Variants in MIS18A observed in about 807,000 individuals in gnomAD.
MIS18A encodes the protein protein Mis18-alpha.
MIS18A carries 14 observed loss-of-function variants against 25.0 expected under a neutral mutation model. The ratio of observed to expected loss-of-function variants is 0.56; its 90% confidence interval spans 0.37 to 0.88. MIS18A has a LOEUF of 0.88. MIS18A is among the 40% of genes least tolerant of loss of function. MIS18A has a pLI of 0.00. For synonymous variants in MIS18A, 134 were observed against 118.6 expected, an observed-to-expected ratio of 1.13 and a Z score of -0.84; for missense variants, 292 against 290.8, an observed-to-expected ratio of 1.00 and a Z score of -0.03.
At chr21:32,261,766 C>T in the MIS18A span, among the ~76,000 whole-genome samples, 2 of 152,284 alleles carry the variant, frequency 1.3e-5, no homozygotes, top group East Asian at 3.9e-4. Flanking sequence ...ACGACACAGC[C>T]AAGAAGACAC....
the MIS18A span, among the ~76,000 whole-genome samples, chr21:32,186,465 G>A: frequency 6.6e-6 from 1 of 152,218 alleles, no homozygotes; most frequent in Non-Finnish European, 1.5e-5. Context: ...GGAAACACTT[G>A]TTAGCTCAAC....
At chr21:32,260,137 G>A in the MIS18A span, 2 of 137,560 alleles carry the variant, frequency 1.5e-5, no homozygotes, top group Non-Finnish European at 3.0e-5. Context: ...TACAAAGTAT[G>A]AATTGCCTCC....
the MIS18A span, among the ~76,000 whole-genome samples, chr21:32,205,531 C>T: frequency 6.6e-6 from 1 of 152,072 alleles, no homozygotes; most frequent in Non-Finnish European, 1.5e-5. Flanking sequence ...ACAGCCTCAC[C>T]ATTTGAATAA....
chr21:32,213,944 T>C, the MIS18A span, among the ~76,000 whole-genome samples: 7 of 152,308 alleles, frequency 4.6e-5, no homozygotes, highest in South Asian at 1.2e-3. Flanking sequence ...AATGAACAGA[T>C]TCTGGGAATT....
the MIS18A span, among the ~76,000 whole-genome samples, chr21:32,250,604 C>T: frequency 4.6e-5 from 7 of 152,212 alleles, no homozygotes; most frequent in African/African-American, 1.7e-4. Flanking sequence ...AACTCTCAGA[C>T]CTTCCAGAAG....
the MIS18A span, among the ~76,000 whole-genome samples, chr21:32,262,989 C>T: frequency 1.3e-5 from 2 of 152,112 alleles, no homozygotes; most frequent in African/African-American, 2.4e-5. Flanking sequence ...CTCGTGCCCT[C>T]GTGATTAGCT....
chr21:32,274,059 C>T (rs1030416520), intron 2 of MIS18A, among the ~76,000 whole-genome samples: 1 of 152,066 alleles, frequency 6.6e-6, no homozygotes, highest in African/African-American at 2.4e-5. Context: ...CACAAACAGC[C>T]TTGTCTGTTT....
the MIS18A span, among the ~76,000 whole-genome samples, chr21:32,240,588 C>A: frequency 3.3e-5 from 5 of 152,224 alleles, no homozygotes; most frequent in Admixed American, 3.3e-4. Context: ...GACTTGGTTT[C>A]TTCTCCATCT....
the MIS18A span, among the ~76,000 whole-genome samples, chr21:32,193,487 GATAGATAGA>G: frequency 9.5e-6 from 1 of 104,796 alleles, no homozygotes. Flanking sequence ...TAGGTAGATA[GATAGATAGA>G]TAGATAGATA....
chr21:32,211,762 G>C, the MIS18A span, among the ~76,000 whole-genome samples: 2 of 152,320 alleles, frequency 1.3e-5, no homozygotes, highest in Admixed American at 1.3e-4. Flanking sequence ...AATCATGCAA[G>C]CTGCAATAGC....
chr21:32,257,076 A>C, the MIS18A span, among the ~76,000 whole-genome samples: 3 of 152,146 alleles, frequency 2.0e-5, no homozygotes, highest in African/African-American at 7.2e-5. Flanking sequence ...GGCTGGCATC[A>C]CGGGACTTGG....
At chr21:32,180,552 C>A in the MIS18A span, among the ~76,000 whole-genome samples, 8 of 152,322 alleles carry the variant, frequency 5.3e-5, no homozygotes, top group African/African-American at 1.9e-4. Context: ...CGTTCTTGTG[C>A]ACATGTGTCA....
chr21:32,158,537 C>G, the MIS18A span, among the ~76,000 whole-genome samples: 1 of 151,442 alleles, frequency 6.6e-6, no homozygotes, highest in Non-Finnish European at 1.5e-5. Flanking sequence ...TTCAATGACA[C>G]AGTCTCGGCT....
chr21:32,187,763 G>A, the MIS18A span, among the ~76,000 whole-genome samples: 1 of 152,172 alleles, frequency 6.6e-6, no homozygotes, highest in African/African-American at 2.4e-5. Flanking sequence ...GAGGATTTCA[G>A]GAAGTTGCCC....
the MIS18A span, among the ~76,000 whole-genome samples, chr21:32,241,907 T>TC: frequency 1 from 152,220 of 152,224 alleles, 76,108 homozygotes; most frequent in Middle Eastern, 1. Context: ...TGAGACGGAG[T>TC]TCGCTCTGTC....
chr21:32,242,033 C>T, the MIS18A span, among the ~76,000 whole-genome samples: 1 of 152,216 alleles, frequency 6.6e-6, no homozygotes, highest in Non-Finnish European at 1.5e-5. Flanking sequence ...CGCCCGCCAC[C>T]ACGCCCGGCT....
downstream of MIS18A, among the ~76,000 whole-genome samples, chr21:32,264,066 AT>A (rs1404610291): frequency 1.3e-5 from 2 of 152,128 alleles, no homozygotes; most frequent in Non-Finnish European, 2.9e-5. Flanking sequence ...ATACTGTATA[AT>A]CACATTTAAA....
chr21:32,249,640 TA>T, the MIS18A span, among the ~76,000 whole-genome samples: 1 of 152,072 alleles, frequency 6.6e-6, no homozygotes, highest in Non-Finnish European at 1.5e-5. Context: ...GAGTAACACA[TA>T]AAGAAAAGAG....
the MIS18A span, among the ~76,000 whole-genome samples, chr21:32,201,685 C>A: frequency 1.3e-5 from 2 of 152,042 alleles, no homozygotes; most frequent in African/African-American, 4.8e-5. Flanking sequence ...CCCTGGCATG[C>A]ACCTGTAGTC....
Sources: allele counts gnomAD v4.1 joint callset (sites outside exome capture counted in the v4.1 genomes callset), GRCh38; gene constraint gnomAD v4.1.1; transcripts MANE v1.5; gene names NCBI Gene and HGNC (gene_info 2026-07-23, HGNC 2026-07-21).